Variants in ADGRB1 observed in about 807,000 individuals in gnomAD.
ADGRB1 encodes the protein brain-specific angiogenesis inhibitor 1.
Under a neutral mutation model 175.7 loss-of-function variants are expected in ADGRB1, and 36 were observed. The observed-to-expected ratio is 0.20, with a 90% confidence interval of 0.16 to 0.27. The LOEUF is 0.27. Among genes scored for constraint, ADGRB1 ranks in the 10% least tolerant of loss-of-function variants. The probability of loss-of-function intolerance (pLI) is 1.00; values close to 1 mark genes in which losing one functional copy is unlikely to be tolerated. For missense variants in ADGRB1, 1,731 were observed against 2,255.3 expected, an observed-to-expected ratio of 0.77 and a Z score of 4.71; for synonymous variants, 1,054 against 979.4, an observed-to-expected ratio of 1.08 and a Z score of -1.42.
chr8:142,491,442 CA>C lies in ADGRB1; in HGVS notation c.2675+628del, dbSNP rs1481984585. 2.0e-5 allele frequency among the ~76,000 whole-genome samples: 3 copies of C among 152,344 alleles called. No homozygotes were observed. The East Asian group carries it at 5.8e-4, about 29-fold the overall frequency. On this transcript the variant is annotated intron_variant, in intron 17 of 30. Coordinates refer to ENST00000517894, the MANE Select transcript of ADGRB1 (RefSeq NM_001702.3). ...CCTGGTGGGTGTGCCAGAGTGGGGC[CA>C]TCCTCCCAGACAGCAAGGTGGGGGC...
At chr8:142,488,258 T>A in intron 13 of ADGRB1, 106 bp from the exon 14 acceptor site, 1 of 1,473,468 alleles carries the variant, frequency 6.8e-7, no homozygotes, top group Non-Finnish European at 9.3e-7. Context: ...CCCCGCGGCA[T>A]CAGCCTGCAC....
intron 18 of ADGRB1, among the ~76,000 whole-genome samples, chr8:142,512,678 G>T (rs765246900): frequency 1.3e-5 from 2 of 152,226 alleles, no homozygotes; most frequent in Non-Finnish European, 2.9e-5. Flanking sequence ...AAAGGGAGGG[G>T]ACCTGGACTA....
intron 17 of ADGRB1, among the ~76,000 whole-genome samples, chr8:142,505,134 C>G (rs1056264695): frequency 6.6e-6 from 1 of 152,206 alleles, no homozygotes; most frequent in Non-Finnish European, 1.5e-5. Context: ...ATGAGTAGGC[C>G]CTGTGCGGGC....
chr8:142,457,467 C>T (rs1012442472), intron 1 of ADGRB1, among the ~76,000 whole-genome samples: 3 of 152,198 alleles, frequency 2.0e-5, no homozygotes, highest in African/African-American at 7.2e-5. Flanking sequence ...CACCCCTGTG[C>T]CCAGGCAGCT....
At chr8:142,491,343 C>T (rs1841971998) in intron 17 of ADGRB1, among the ~76,000 whole-genome samples, 2 of 152,236 alleles carry the variant, frequency 1.3e-5, no homozygotes, top group African/African-American at 4.8e-5. Context: ...CGCTGTGGCA[C>T]AGCTGGAGCA....
At chr8:142,488,591 G>A (rs1841815988) in intron 14 of ADGRB1, 84 bp downstream of exon 14, 2 of 1,537,910 alleles carry the variant, frequency 1.3e-6, no homozygotes, top group Non-Finnish European at 1.8e-6. Flanking sequence ...CTGGAGTCTA[G>A]CTGCTGCCTC....
chr8:142,523,416 GC>G (rs1410290238), intron 22 of ADGRB1, among the ~76,000 whole-genome samples: 1 of 151,954 alleles, frequency 6.6e-6, no homozygotes, highest in Non-Finnish European at 1.5e-5. Flanking sequence ...GGCGGAGCAG[GC>G]CTGGCTCACT....
At chr8:142,490,737 G>C (rs1208091535) in intron 16 of ADGRB1, 35 bp from the exon 17 acceptor site, 6 of 1,560,252 alleles carry the variant, frequency 3.8e-6, no homozygotes, top group South Asian at 1.2e-5. Context: ...GGTCCTGGCT[G>C]CCAGGGGCCC....
chr8:142,469,141 G>C (rs549084690), intron 2 of ADGRB1, among the ~76,000 whole-genome samples: 3 of 128,936 alleles, frequency 2.3e-5, no homozygotes, highest in Non-Finnish European at 4.8e-5. Context: ...GTGTGTGCAT[G>C]TGTGTGCATG....
intron 17 of ADGRB1, among the ~76,000 whole-genome samples, chr8:142,506,838 A>G (rs1423465732): frequency 1.3e-5 from 2 of 152,180 alleles, no homozygotes; most frequent in African/African-American, 4.8e-5. Context: ...TGTCCTGCTA[A>G]AGGCCAGTCC....
At chr8:142,530,086 G>A (rs1233316821) in intron 24 of ADGRB1, among the ~76,000 whole-genome samples, 1 of 152,154 alleles carries the variant, frequency 6.6e-6, no homozygotes, top group Non-Finnish European at 1.5e-5. Context: ...ATCTGTGTGT[G>A]AGTGCAACTT....
chr8:142,541,539 TC>T (rs1266044699), intron 27 of ADGRB1, among the ~76,000 whole-genome samples: 2 of 152,108 alleles, frequency 1.3e-5, no homozygotes, highest in Non-Finnish European at 2.9e-5. Flanking sequence ...GCCGTGGGCG[TC>T]GGGAGCGTTG....
intron 18 of ADGRB1, 26 bp from the exon 19 acceptor site, chr8:142,518,112 C>T (rs1321140575): frequency 6.2e-7 from 1 of 1,610,142 alleles, no homozygotes; most frequent in Non-Finnish European, 8.5e-7. Context: ...GCCTCACTCC[C>T]TGCGGTCTCT....
intron 2 of ADGRB1, among the ~76,000 whole-genome samples, chr8:142,469,635 A>ATGTGTGTG (rs1563685255): frequency 1.0e-5 from 1 of 99,650 alleles, no homozygotes; most frequent in African/African-American, 4.4e-5. Context: ...GCATGTGTGT[A>ATGTGTGTG]TGTGCACGTG....
chr8:142,450,939 CGCCGAGCACTCCCGGGT>C (rs1330827488), intron 1 of ADGRB1, among the ~76,000 whole-genome samples: 1 of 152,150 alleles, frequency 6.6e-6, no homozygotes, highest in African/African-American at 2.4e-5. Context: ...CACTCCCGGG[CGCCGAGCACTCCCGGGT>C]CCGCGTCGCC....
chr8:142,468,627 G>A (rs777606238), intron 2 of ADGRB1, among the ~76,000 whole-genome samples: 6 of 152,200 alleles, frequency 3.9e-5, no homozygotes, highest in Non-Finnish European at 7.3e-5. Flanking sequence ...GTGGAGGCAC[G>A]CTCTGCCTCA....
intron 1 of ADGRB1, among the ~76,000 whole-genome samples, chr8:142,454,470 A>G (rs1347219926): frequency 1.3e-5 from 2 of 152,148 alleles, no homozygotes; most frequent in Non-Finnish European, 2.9e-5. Context: ...CCGCCCCGCG[A>G]TGTGTGCCTG....
chr8:142,458,400 G>C (rs1248839010), intron 1 of ADGRB1, among the ~76,000 whole-genome samples: 1 of 152,192 alleles, frequency 6.6e-6, no homozygotes, highest in East Asian at 1.9e-4. Context: ...TCGTCTGAGG[G>C]TGTCTGTGAT....
chr8:142,481,190 G>T, intron 9 of ADGRB1, 64 bp from the exon 10 acceptor site: 2 of 1,488,818 alleles, frequency 1.3e-6, no homozygotes, highest in South Asian at 1.1e-5. Context: ...GCTGCCAGGG[G>T]CCAAGGGTGG....
Sources: allele counts gnomAD v4.1 joint callset (sites outside exome capture counted in the v4.1 genomes callset), GRCh38; gene constraint gnomAD v4.1.1; transcripts MANE v1.5; gene names NCBI Gene and HGNC (gene_info 2026-07-23, HGNC 2026-07-21).